Variants in PROX1 observed in about 807,000 individuals in gnomAD.
PROX1 encodes the protein prospero homeobox protein 1.
Under a neutral mutation model 58.8 loss-of-function variants are expected in PROX1, and 7 were observed. The observed-to-expected ratio is 0.12, with a 90% CI of 0.07 to 0.22. PROX1 has a LOEUF of 0.22. Among genes scored for constraint, PROX1 ranks in the 10% least tolerant of loss-of-function variants. The probability of loss-of-function intolerance (pLI) is 1.00; values close to 1 mark genes in which losing one functional copy is unlikely to be tolerated. For synonymous variants in PROX1, 350 were observed against 358.3 expected (o/e 0.98, Z 0.26); for missense variants, 675 against 927.8 (o/e 0.73, Z 3.54).
rs1664817262 is a variant in PROX1 at position 214,036,015 on chromosome 1, G to A, written c.*181G>A. On this transcript the variant is annotated 3_prime_UTR_variant, in exon 5 of 5. Coordinates refer to ENST00000366958, the MANE Select transcript of PROX1 (RefSeq NM_001270616.2). ...CATTTTCTTTTGTTTTCCATTGCAA[G>A]GGGATGGTTGTTTTCTTTCTGCCTT... The A allele has an allele frequency of 3.9e-6, 2 of 509,882 alleles. No individual in the cohort carries two copies. Among genetic ancestry groups the A allele is most frequent in the African/African-American group, 2.0e-5 (1 of 50,798 alleles). The allele number at this position is 509,882 out of a possible 1,614,324, so 31.6% of individuals were successfully genotyped here.
At position 214,004,941 on chromosome 1, in the gene PROX1, A is replaced by G. The variant is rs114712727; in HGVS notation, c.1726-224A>G. Among the ~76,000 whole-genome samples the G allele has an allele frequency of 3.1e-3, 467 of 152,292 alleles. 2 individuals are homozygous for G. The highest frequency in any genetic ancestry group is 0.011 in the African/African-American group (446 of 41,562). ...AAAGTAGCCAAGATTCTGCAACTCA[A>G]TTGTGCATCCTCACCATTGCATGTG... On this transcript the variant is annotated intron_variant, in intron 2 of 4. Transcript: ENST00000366958.
intron 4 of PROX1, chr1:214,030,296 T>G (rs1664603260): frequency 6.6e-6 from 1 of 152,282 alleles, no homozygotes; most frequent in African/African-American, 2.4e-5. Context: ...CCAGTACACG[T>G]GTCCTTTTCC....
intron 4 of PROX1, among the ~76,000 whole-genome samples, chr1:214,020,645 T>C (rs562748753): frequency 9.2e-5 from 14 of 152,360 alleles, no homozygotes; most frequent in Admixed American, 8.5e-4. Context: ...GTATGTTTAA[T>C]TTTCCCTTAA....
chr1:213,999,376 G>A (rs1274164673), intron 2 of PROX1, among the ~76,000 whole-genome samples: 1 of 152,182 alleles, frequency 6.6e-6, no homozygotes, highest in Non-Finnish European at 1.5e-5. Context: ...AGTTGGCTGT[G>A]ACTAAATTTA....
intron 1 of PROX1, among the ~76,000 whole-genome samples, chr1:213,996,155 C>T (rs1571801292): frequency 6.6e-6 from 1 of 152,022 alleles, no homozygotes; most frequent in East Asian, 1.9e-4. Context: ...TTGTCAGAGG[C>T]TGTGTTCTTA....
intron 3 of PROX1, among the ~76,000 whole-genome samples, chr1:214,009,510 G>C (rs1013005005): frequency 6.6e-6 from 1 of 152,110 alleles, no homozygotes; most frequent in Non-Finnish European, 1.5e-5. Context: ...ACAAATTTTA[G>C]TTCACTTCTC....
chr1:213,986,738 A>G (rs1262591192), upstream of PROX1, among the ~76,000 whole-genome samples: 2 of 152,192 alleles, frequency 1.3e-5, no homozygotes, highest in African/African-American at 2.4e-5. Context: ...CCCAGCTTTT[A>G]TAGGATCTTT....
chr1:214,005,013 G>A, intron 2 of PROX1, 152 bp from the exon 3 acceptor site: 2 of 534,838 alleles, frequency 3.7e-6, no homozygotes, highest in Admixed American at 3.6e-5. Context: ...CAGCAAGTTA[G>A]CAATGGATGC....
Position 214,037,131 on chromosome 1 carries a change from A to G in PROX1, c.*1297A>G, listed in dbSNP as rs898342822. 8 of 152,198 alleles carry G rather than the reference A, an allele frequency of 5.3e-5. No individual in the cohort carries two copies. The highest frequency in any genetic ancestry group is 1.9e-4 in the African/African-American group (8 of 41,470). 9.4% of individuals were successfully genotyped at this position (152,198 alleles called of 1,614,324 possible). ...TAGCTGCTATTTTATGCTTTCTTCC[A>G]TGGTTCTCCTCTTTTTTCCCTTTTA... On this transcript the variant is annotated 3_prime_UTR_variant, in exon 5 of 5. Transcript: ENST00000366958.
chr1:214,038,930 G>A lies in PROX1; in HGVS notation c.*3096G>A, dbSNP rs1209098615. On this transcript the variant is annotated 3_prime_UTR_variant, in exon 5 of 5. Coordinates refer to ENST00000366958, the MANE Select transcript of PROX1 (RefSeq NM_001270616.2). The stretch of plus-strand genomic sequence containing the variant: ...TTCCTCAATTGTTTGAGCAGCATTC[G>A]AGTTTTGAAAATTCTTGTAGAAGCC... 2 of 152,132 alleles carry A rather than the reference G, an allele frequency of 1.3e-5. No homozygotes were observed. Among genetic ancestry groups the A allele is most frequent in the South Asian group, 2.1e-4 (1 of 4,828 alleles). 9.4% of individuals were successfully genotyped at this position (152,132 alleles called of 1,614,324 possible).
chr1:213,987,437 A>C (rs1662851752), upstream of PROX1: 2 of 134,196 alleles, frequency 1.5e-5, no homozygotes, highest in East Asian at 2.3e-4. Flanking sequence ...CCCACCCCTA[A>C]AACCCCCACT....
At chr1:214,005,610 A>G (rs1340894229) in intron 3 of PROX1, among the ~76,000 whole-genome samples, 3 of 152,208 alleles carry the variant, frequency 2.0e-5, no homozygotes, top group Non-Finnish European at 4.4e-5. Flanking sequence ...TCCCCTCAGC[A>G]ACAGTAAACT....
At chr1:214,001,266 G>A (rs1663501052) in intron 2 of PROX1, among the ~76,000 whole-genome samples, 1 of 152,286 alleles carries the variant, frequency 6.6e-6, no homozygotes, top group Middle Eastern at 3.4e-3. Flanking sequence ...AATAGTGAAT[G>A]TGTATGCAAG....
At chr1:214,016,825 C>T (rs1664114036) in intron 4 of PROX1, among the ~76,000 whole-genome samples, 1 of 152,080 alleles carries the variant, frequency 6.6e-6, no homozygotes, top group Admixed American at 6.5e-5. Flanking sequence ...TTTTGGGATT[C>T]AAGGTGTTCA....
At chr1:213,992,068 C>T (rs976374591) in intron 1 of PROX1, among the ~76,000 whole-genome samples, 1 of 152,154 alleles carries the variant, frequency 6.6e-6, no homozygotes, top group African/African-American at 2.4e-5. Flanking sequence ...GATTATTTCA[C>T]ACTCTGTCTT....
intron 2 of PROX1, among the ~76,000 whole-genome samples, chr1:214,000,042 T>TCACACACACA (rs1558172446): frequency 2.9e-4 from 39 of 134,274 alleles, no homozygotes; most frequent in Middle Eastern, 3.5e-3. Context: ...TCTCTCTCTC[T>TCACACACACA]TACACACACA....
At position 214,035,825 on chromosome 1, in the gene PROX1, T is replaced by C; in HGVS notation, c.2205T>C (p.Leu735=). The C allele has an allele frequency of 1.2e-6, 2 of 1,607,922 alleles. No homozygotes were observed. The highest frequency in any genetic ancestry group is 1.7e-6 in the Non-Finnish European group (2 of 1,177,220). Residue 735 remains leucine (L), a synonymous_variant, in exon 5 of 5, where the codon CTT becomes CTC. Coordinates refer to ENST00000366958, the MANE Select transcript of PROX1 (RefSeq NM_001270616.2). ...CCCCGAACTGCCTACAAGAGCTGCT[T>C]CATGAGTAGAAATTTCAACAACTCT... ...FKSPNCLQEL[L]HE
At chr1:213,999,442 A>G (rs1571806674) in intron 2 of PROX1, among the ~76,000 whole-genome samples, 1 of 152,132 alleles carries the variant, frequency 6.6e-6, no homozygotes. Flanking sequence ...ATCTAAGCCC[A>G]CTCCAGAGGC....
rs1664813441 is a variant in PROX1 at position 214,035,918 on chromosome 1, C to CAT, written c.*91_*92dup. ...GTTATATGTGTCTAGATTTTGATTT[C>CAT]ATATATATGTGTATGGGAGGCATGG... On this transcript the variant is annotated 3_prime_UTR_variant, in exon 5 of 5. Coordinates refer to ENST00000366958, the MANE Select transcript of PROX1 (RefSeq NM_001270616.2). 1 of 1,247,246 alleles carries CAT rather than the reference C, an allele frequency of 8.0e-7. No homozygotes were observed. The highest frequency in any genetic ancestry group is 1.1e-6 in the Non-Finnish European group (1 of 908,382). 77.3% of individuals were successfully genotyped at this position (1,247,246 alleles called of 1,614,324 possible).
Sources: allele counts gnomAD v4.1 joint callset (sites outside exome capture counted in the v4.1 genomes callset), GRCh38; gene constraint gnomAD v4.1.1; transcripts MANE v1.5; gene names NCBI Gene and HGNC (gene_info 2026-07-23, HGNC 2026-07-21).